SHISA6: variants seen among roughly 807,000 people sequenced by gnomAD.
SHISA6 encodes the protein protein shisa-6.
In SHISA6, 22 loss-of-function variants were observed where a neutral mutation model predicts 47.9. The observed-to-expected ratio is 0.46, with a 90% CI of 0.33 to 0.66. The LOEUF is 0.66. Among genes scored for constraint, SHISA6 ranks in the 30% least tolerant of loss-of-function variants. The pLI, the probability that SHISA6 is intolerant of heterozygous loss-of-function variation, is 0.02. For synonymous variants in SHISA6, 388 were observed against 337.8 expected (o/e 1.15, Z -1.63); for missense variants, 680 against 764.6 (o/e 0.89, Z 1.30).
intron 3 of SHISA6, among the ~76,000 whole-genome samples, chr17:11,442,397 C>G (rs1915117345): frequency 6.6e-6 from 1 of 152,096 alleles, no homozygotes; most frequent in Non-Finnish European, 1.5e-5. Context: ...ATCTATCCTT[C>G]CTGTCACTCC....
chr17:11,493,067 T>C (rs1354386913), intron 3 of SHISA6, among the ~76,000 whole-genome samples: 1 of 152,152 alleles, frequency 6.6e-6, no homozygotes, highest in Non-Finnish European at 1.5e-5. Flanking sequence ...TATCCAACTT[T>C]TCCATGGAGA....
intron 2 of SHISA6, chr17:11,290,639 T>G (rs2142168559): frequency 6.6e-6 from 1 of 152,062 alleles, no homozygotes; most frequent in Non-Finnish European, 1.5e-5. Flanking sequence ...CGTGAACCAC[T>G]GTGCCGGGCC....
intron 3 of SHISA6, among the ~76,000 whole-genome samples, chr17:11,423,918 C>A (rs1914530703): frequency 6.6e-6 from 1 of 151,630 alleles, no homozygotes; most frequent in Admixed American, 6.6e-5. Context: ...AAATTAAAAG[C>A]CCAAAGGATA....
rs993612347 is a variant in SHISA6, at chr17:11,522,713, G to A, written c.896-29183G>A. Among the ~76,000 whole-genome samples, 7 of 152,270 alleles carry A rather than the reference G, an allele frequency of 4.6e-5. No homozygotes were observed. The East Asian group carries it at 1.2e-3, about 25-fold the overall frequency. On this transcript the variant is annotated intron_variant, in intron 3 of 5. Transcript: ENST00000441885. ...AGTCCTGGCCTCAAGCGATCCTCCC[G>A]CCTTGGTGTGAGCCACTGTGTTTGT...
chr17:11,551,487 C>A (rs2071931304), intron 3 of SHISA6, among the ~76,000 whole-genome samples: 2 of 152,142 alleles, frequency 1.3e-5, no homozygotes, highest in Admixed American at 1.3e-4. Context: ...TCAGGGCACC[C>A]TCATTTTGGT....
intron 3 of SHISA6, among the ~76,000 whole-genome samples, chr17:11,452,678 TC>T (rs1915430656): frequency 3.0e-5 from 4 of 132,824 alleles, no homozygotes; most frequent in Non-Finnish European, 3.2e-5. Flanking sequence ...CTCCTTCTCC[TC>T]TTCCTCTCCT....
chr17:11,462,480 G>C (rs964556708), intron 3 of SHISA6, among the ~76,000 whole-genome samples: 1 of 152,204 alleles, frequency 6.6e-6, no homozygotes, highest in Non-Finnish European at 1.5e-5. Context: ...TTGCTGATGA[G>C]TGGTGTCATT....
chr17:11,419,313 T>G (rs1914384755), intron 3 of SHISA6, among the ~76,000 whole-genome samples: 1 of 151,532 alleles, frequency 6.6e-6, no homozygotes, highest in South Asian at 2.1e-4. Context: ...TTAAATTATA[T>G]CCTTTAATAA....
chr17:11,539,317 C>G (rs150797160), intron 3 of SHISA6, among the ~76,000 whole-genome samples: 267 of 152,340 alleles, frequency 1.8e-3, no homozygotes, highest in African/African-American at 5.3e-3. Flanking sequence ...TTTGTACCCC[C>G]CAACTTTCCT....
intron 3 of SHISA6, among the ~76,000 whole-genome samples, chr17:11,456,298 G>A (rs1313129679): frequency 1.3e-5 from 2 of 152,188 alleles, no homozygotes; most frequent in African/African-American, 4.8e-5. Context: ...ACCTGGTGGA[G>A]GGAGCCATTT....
intron 3 of SHISA6, among the ~76,000 whole-genome samples, chr17:11,547,093 G>C (rs2071889659): frequency 6.6e-6 from 1 of 152,168 alleles, no homozygotes; most frequent in African/African-American, 2.4e-5. Context: ...GAAGTGATGG[G>C]AACACAAGAG....
chr17:11,543,918 A>AAC lies in SHISA6; in HGVS notation c.896-7977_896-7976insCA, dbSNP rs926965228. On this transcript the variant is annotated intron_variant, in intron 3 of 5. Coordinates refer to ENST00000441885, the MANE Select transcript of SHISA6 (RefSeq NM_207386.4). Reference sequence around the variant, plus strand: ...AATTGGATATTTATAAGCAAAAAAAAAAAAAAAACAAAAAAAAGAACTTCA... The same window carrying AAC: ...AATTGGATATTTATAAGCAAAAAAAAACAAAAAAAACAAAAAAAAGAACTTCA... Among the ~76,000 whole-genome samples, 197 of 150,312 alleles carry AAC rather than the reference A, an allele frequency of 1.3e-3. 2 individuals are homozygous for AAC. The highest frequency in any genetic ancestry group is 4.6e-3 in the African/African-American group (190 of 40,972).
intron 3 of SHISA6, among the ~76,000 whole-genome samples, chr17:11,387,977 T>C (rs1913249978): frequency 6.6e-6 from 1 of 152,094 alleles, no homozygotes; most frequent in African/African-American, 2.4e-5. Flanking sequence ...GATACAAGAT[T>C]TGAAATTAGG....
At chr17:11,388,378 T>C (rs77229849) in intron 3 of SHISA6, among the ~76,000 whole-genome samples, 5,552 of 151,908 alleles carry the variant, frequency 0.037, 184 homozygotes, top group Admixed American at 0.088. Context: ...GAAGGGAGGA[T>C]GGGTAGGAGT....
At chr17:11,481,358 G>GTATATATATATATA (rs1209751142) in intron 3 of SHISA6, among the ~76,000 whole-genome samples, 1 of 109,942 alleles carries the variant, frequency 9.1e-6, no homozygotes, top group African/African-American at 3.6e-5. Context: ...GTGTGTGTGT[G>GTATATATATATATA]TGTGTGTGTA....
At chr17:11,275,225 G>A (rs1004288042) in intron 2 of SHISA6, among the ~76,000 whole-genome samples, 9 of 151,890 alleles carry the variant, frequency 5.9e-5, no homozygotes, top group African/African-American at 1.7e-4. Context: ...GGTAGGGGTC[G>A]CTGCTGTGGA....
At chr17:11,405,716 G>C (rs561799580) in intron 3 of SHISA6, among the ~76,000 whole-genome samples, 1 of 151,956 alleles carries the variant, frequency 6.6e-6, no homozygotes, top group East Asian at 1.9e-4. Context: ...CAGGAGAATC[G>C]CTTTAACTCA....
intron 4 of SHISA6, 46 bp downstream of exon 4, chr17:11,551,998 T>C (rs751648294): frequency 6.5e-7 from 1 of 1,534,912 alleles, no homozygotes; most frequent in Admixed American, 2.0e-5. Flanking sequence ...TTATTTCGAG[T>C]GGCACCATTC....
chr17:11,355,392 T>C (rs916730588), intron 2 of SHISA6, among the ~76,000 whole-genome samples: 1 of 152,194 alleles, frequency 6.6e-6, no homozygotes, highest in African/African-American at 2.4e-5. Flanking sequence ...TTTCTTTATC[T>C]AGCAGAACCA....
Sources: gnomAD v4.1 joint callset for allele counts (sites outside exome capture counted in the v4.1 genomes callset) on GRCh38, gnomAD v4.1.1 for gene constraint, MANE v1.5 for transcripts, NCBI Gene and HGNC (gene_info 2026-07-23, HGNC 2026-07-21) for gene names.